The following ARL8A variants were observed in gnomAD, a reference collection of about 807,000 sequenced individuals.
ARL8A encodes ARF like GTPase 8A, also known as ADP-ribosylation factor-like protein 8A.
A neutral mutation model predicts 31.2 loss-of-function variants in ARL8A; 10 were observed. The ratio of observed to expected loss-of-function variants is 0.32; its 90% CI spans 0.20 to 0.54. The LOEUF is 0.54. Ranked by LOEUF, ARL8A falls within the 20% of genes least tolerant of loss-of-function variation. The pLI, the probability that ARL8A is intolerant of heterozygous loss-of-function variation, is 0.93. For synonymous variants in ARL8A, 70 were observed against 86.9 expected (o/e 0.81, Z 1.08); for missense variants, 129 against 242.8 (o/e 0.53, Z 3.12).
At position 202,134,553 on chromosome 1, in the gene ARL8A, A is replaced by C. The variant is rs1318285996; in HGVS notation, c.512-37T>G. Reference sequence around the variant, plus strand: ...AAAGAGAACAGCTTATAAGGCCTGCAAGTACTGGCCGTGCTGGGGCAGCAG... The same window carrying C: ...AAAGAGAACAGCTTATAAGGCCTGCCAGTACTGGCCGTGCTGGGGCAGCAG... On this transcript the variant is annotated intron_variant, in intron 6 of 6. Coordinates refer to ENST00000272217, the MANE Select transcript of ARL8A (RefSeq NM_138795.4). This position sits in a 1 kb window ranked among gnomAD's most constrained non-coding sequence, Gnocchi z 4.2. 1.3e-6 allele frequency: 2 copies of C among 1,585,872 alleles called. No individual in the cohort carries two copies. Among genetic ancestry groups the C allele is most frequent in the Non-Finnish European group, 1.7e-6 (2 of 1,154,556 alleles).
chr1:202,138,254 C>A lies in ARL8A; in HGVS notation c.204+114G>T. 2 of 1,293,810 alleles carry A rather than the reference C, an allele frequency of 1.5e-6. No homozygotes were observed. The highest frequency in any genetic ancestry group is 2.2e-6 in the Non-Finnish European group (2 of 911,770). The allele number at this position is 1,293,810 out of a possible 1,614,324, so 80.1% of individuals were successfully genotyped here. A position where few individuals can be genotyped will look rare whatever the true frequency, so the allele number is the denominator to read the frequency against. On this transcript the variant is annotated intron_variant, in intron 2 of 6. Transcript: ENST00000272217. The surrounding 1 kb of genome is among the most constrained non-coding windows in gnomAD (Gnocchi z 4.4). ...CAGGGGGACCCTGGCCTCTGCCCCA[C>A]TTCAGCTCGCTCCTCCCAGGGGCCT...
chr1:202,138,341 G>A lies in ARL8A; in HGVS notation c.204+27C>T, dbSNP rs1038977318. On this transcript the variant is annotated intron_variant, in intron 2 of 6. Transcript: ENST00000272217. The surrounding 1 kb of genome is among the most constrained non-coding windows in gnomAD (Gnocchi z 4.4). ...CACACACACACAAAAACAGTCCTCT[G>A]CACCCCCCAAGCTTCTGGGCCCTCA... The A allele has an allele frequency of 2.5e-6, 4 of 1,589,710 alleles. No individual in the cohort carries two copies. The highest frequency in any genetic ancestry group is 1.7e-4 in the Middle Eastern group (1 of 6,000).
rs1375296765 is a variant in ARL8A, at chr1:202,144,164, T to C, written c.123+286A>G. 2.0e-5 allele frequency among the ~76,000 whole-genome samples: 3 copies of C among 152,076 alleles called. No homozygotes were observed. The highest frequency in any genetic ancestry group is 2.0e-4 in the Admixed American group (3 of 15,282). On this transcript the variant is annotated intron_variant, in intron 1 of 6. Coordinates refer to ENST00000272217, the MANE Select transcript of ARL8A (RefSeq NM_138795.4). This position sits in a 1 kb window ranked among gnomAD's most constrained non-coding sequence, Gnocchi z 5.2. ...CCCTCCTGCTTCGAGAGCCCCTCGG[T>C]GCCGCCTGCCCCGTGGCACCGGCCC...
rs1182156300 is a variant in ARL8A at position 202,135,625 on chromosome 1, C to CCT, written c.372+80_372+81dup. The stretch of plus-strand genomic sequence containing the variant: ...CTGGGTCCCGTTTCCTCTCTGCGCC[C>CCT]CTACCATGCCTGGCTTTTACCTGCT... On this transcript the variant is annotated intron_variant, in intron 4 of 6. Transcript: ENST00000272217. The surrounding 1 kb of genome is among the most constrained non-coding windows in gnomAD (Gnocchi z 5.3). 5 of 1,575,744 alleles carry CCT rather than the reference C, an allele frequency of 3.2e-6. No homozygotes were observed. The Admixed American group carries it at 8.3e-5, about 26-fold the overall frequency.
intron 3 of ARL8A, among the ~76,000 whole-genome samples, chr1:202,137,433 G>C (rs1421229578): frequency 6.6e-6 from 1 of 152,104 alleles, no homozygotes; most frequent in Non-Finnish European, 1.5e-5. Flanking sequence ...TTCAAGACCA[G>C]CCTAACCAAC....
intron 3 of ARL8A, among the ~76,000 whole-genome samples, chr1:202,136,270 A>C (rs1376683486): frequency 3.3e-5 from 5 of 152,018 alleles, no homozygotes; most frequent in African/African-American, 9.7e-5. Context: ...TATAGAATAA[A>C]TTTTATTATT....
chr1:202,140,481 C>T (rs1000940744), intron 1 of ARL8A, among the ~76,000 whole-genome samples: 12 of 152,028 alleles, frequency 7.9e-5, no homozygotes, highest in African/African-American at 2.9e-4. Context: ...TTCATCAGGG[C>T]CTTAGGATGA....
At chr1:202,136,691 G>A (rs972528099) in intron 3 of ARL8A, among the ~76,000 whole-genome samples, 2 of 152,018 alleles carry the variant, frequency 1.3e-5, no homozygotes, top group East Asian at 1.9e-4. Context: ...CACCTCAGTC[G>A]TCTGAGTAGC....
chr1:202,139,441 C>T (rs1655104279), intron 1 of ARL8A, among the ~76,000 whole-genome samples: 3 of 151,634 alleles, frequency 2.0e-5, no homozygotes, highest in South Asian at 2.1e-4. Flanking sequence ...GGTGTGGTGG[C>T]GTGTGCCTGT....
At chr1:202,139,632 C>CTTT (rs71141457) in intron 1 of ARL8A, among the ~76,000 whole-genome samples, 3 of 50,568 alleles carry the variant, frequency 5.9e-5, no homozygotes, top group Non-Finnish European at 1.0e-4. Flanking sequence ...AGCCCTGTTC[C>CTTT]TTTTTTTTTT....
At position 202,144,134 on chromosome 1, in the gene ARL8A, C is replaced by T. The variant is rs1365633369; in HGVS notation, c.123+316G>A. On this transcript the variant is annotated intron_variant, in intron 1 of 6. Transcript: ENST00000272217. The surrounding 1 kb of genome is among the most constrained non-coding windows in gnomAD (Gnocchi z 5.2). ...AGAGGGGGCCCGTCTCAGCCGGCAG[C>T]GGGTCCCTCCTGCTTCGAGAGCCCC... Among the ~76,000 whole-genome samples, 1 of 152,168 alleles carries T rather than the reference C, an allele frequency of 6.6e-6. No homozygotes were observed. Among genetic ancestry groups the T allele is most frequent in the Non-Finnish European group, 1.5e-5 (1 of 68,008 alleles).
chr1:202,136,079 G>C (rs1654997666), intron 3 of ARL8A, among the ~76,000 whole-genome samples: 1 of 152,136 alleles, frequency 6.6e-6, no homozygotes, highest in Non-Finnish European at 1.5e-5. Flanking sequence ...GGCCCTTTGA[G>C]ATTAGCTGTA....
chr1:202,143,926 C>A (rs1655231222), intron 1 of ARL8A, among the ~76,000 whole-genome samples: 1 of 152,228 alleles, frequency 6.6e-6, no homozygotes, highest in Non-Finnish European at 1.5e-5. Flanking sequence ...GGATACCTCC[C>A]CTCCCCCTCA....
intron 3 of ARL8A, among the ~76,000 whole-genome samples, chr1:202,136,428 T>C (rs928570054): frequency 6.6e-6 from 1 of 152,142 alleles, no homozygotes; most frequent in African/African-American, 2.4e-5. Context: ...TACAGGCACA[T>C]GCCGCCACGC....
chr1:202,137,916 A>AG (rs766352244), intron 3 of ARL8A, 49 bp downstream of exon 3: 4 of 1,604,420 alleles, frequency 2.5e-6, no homozygotes, highest in Non-Finnish European at 2.6e-6. Flanking sequence ...TAGCAGGGCT[A>AG]GGGGGGCCGG....
Position 202,138,248 on chromosome 1 carries a change from GCC to G in ARL8A, c.204+118_204+119del. ...CCTCAGCAGGGGGACCCTGGCCTCT[GCC>G]CCACTTCAGCTCGCTCCTCCCAGGG... On this transcript the variant is annotated intron_variant, in intron 2 of 6. Coordinates refer to ENST00000272217, the MANE Select transcript of ARL8A (RefSeq NM_138795.4). The surrounding 1 kb of genome is among the most constrained non-coding windows in gnomAD (Gnocchi z 4.4). The G allele has an allele frequency of 8.0e-7, 1 of 1,249,454 alleles. No homozygotes were observed. Among genetic ancestry groups the G allele is most frequent in the Non-Finnish European group, 1.1e-6 (1 of 875,112 alleles). The allele number at this position is 1,249,454 out of a possible 1,614,324, so 77.4% of individuals were successfully genotyped here.
chr1:202,135,092 C>A lies in ARL8A; in HGVS notation c.511+58G>T. 1 of 1,511,042 alleles carries A rather than the reference C, an allele frequency of 6.6e-7. No individual in the cohort carries two copies. The highest frequency in any genetic ancestry group is 1.7e-4 in the Middle Eastern group (1 of 5,884). The allele number at this position is 1,511,042 out of a possible 1,614,324, so 93.6% of individuals were successfully genotyped here. On this transcript the variant is annotated intron_variant, in intron 6 of 6. Transcript: ENST00000272217. The surrounding 1 kb of genome is among the most constrained non-coding windows in gnomAD (Gnocchi z 5.3). ...AAGTTGTGGAGCGAGAACCTGAGAG[C>A]CACTAAAACACTCAGAAATGCCTCT...
intron 1 of ARL8A, among the ~76,000 whole-genome samples, chr1:202,141,607 A>C (rs1208062089): frequency 6.6e-6 from 1 of 150,472 alleles, no homozygotes; most frequent in East Asian, 2.0e-4. Context: ...GTACCACTGC[A>C]CTCCCAGCCT....
chr1:202,134,495 A>T lies in ARL8A; in HGVS notation c.533T>A (p.Ile178Asn). Reference sequence around the variant, plus strand: ...GCTTCTCCGTGACTTCGAGTGTTGAATAAGCCACTGTAGGGTGATGTCTGA... The same window carrying T: ...GCTTCTCCGTGACTTCGAGTGTTGATTAAGCCACTGTAGGGTGATGTCTGA... ...DNIDITLQWL[I>N]QHSKSRRS The change falls in exon 7 of 7, where the codon ATT becomes AAT. Residue 178 changes from isoleucine (I) to asparagine (N), a missense_variant. By Grantham distance (149) the Ile-to-Asn change is moderately radical (BLOSUM62 -3). Transcript: ENST00000272217. The surrounding 1 kb of genome is among the most constrained non-coding windows in gnomAD (Gnocchi z 4.2). 6.2e-7 allele frequency: 1 copy of T among 1,613,548 alleles called. No homozygotes were observed. Among genetic ancestry groups the T allele is most frequent in the Non-Finnish European group, 8.5e-7 (1 of 1,179,518 alleles).
Sources: allele counts gnomAD v4.1 joint callset (sites outside exome capture counted in the v4.1 genomes callset), GRCh38; gene constraint gnomAD v4.1.1; non-coding constraint Gnocchi (gnomAD v3.1); transcripts MANE v1.5; gene names NCBI Gene and HGNC (gene_info 2026-07-23, HGNC 2026-07-21).